The following LMBR1 variants were observed in gnomAD, a reference collection of about 807,000 sequenced individuals.
LMBR1 encodes the protein limb development membrane protein 1.
In LMBR1, 52 loss-of-function variants were observed where a neutral mutation model predicts 73.9. The ratio of observed to expected loss-of-function variants is 0.70; its 90% CI spans 0.56 to 0.89. The LOEUF (loss-of-function observed/expected upper bound fraction) is 0.89. LMBR1 is among the 40% of genes least tolerant of loss of function. LMBR1 has a pLI of 0.00. For synonymous variants in LMBR1, 215 were observed against 209.4 expected (o/e 1.03, Z -0.23); for missense variants, 539 against 579.8 (o/e 0.93, Z 0.72).
chr7:156,827,442 C>A (rs1835892447), intron 3 of LMBR1, among the ~76,000 whole-genome samples: 2 of 152,032 alleles, frequency 1.3e-5, no homozygotes, highest in South Asian at 4.1e-4. Flanking sequence ...CCACCAAATG[C>A]ATATTTATAC....
chr7:156,836,943 T>C, intron 1 of LMBR1, 58 bp from the exon 2 acceptor site: 1 of 1,030,084 alleles, frequency 9.7e-7, no homozygotes. Flanking sequence ...TTTTAAATAC[T>C]AGAAGATATA....
intron 10 of LMBR1, chr7:156,733,920 G>A (rs935257196): frequency 3.6e-6 from 1 of 280,688 alleles, no homozygotes; most frequent in Non-Finnish European, 6.7e-6. Context: ...TAATGCAAGT[G>A]AGAAGGCAAT....
chr7:156,883,117 A>G (rs1438853441), intron 1 of LMBR1, among the ~76,000 whole-genome samples: 26 of 150,040 alleles, frequency 1.7e-4, no homozygotes, highest in Admixed American at 1.7e-3. Flanking sequence ...AAAGAAGGAC[A>G]GGGCCATGCA....
Position 156,836,881 on chromosome 7 carries a change from C to T in LMBR1, c.71G>A (p.Cys24Tyr). ...FHSQVRESTI[C>Y]FLLFAILYVV... ...GTAGAGAATGGCAAAAAGAAGGAAA[C>T]ATATCTGAAACAAAACGAAGTTAAC... is the stretch of plus-strand genomic sequence containing the variant. The change falls in exon 2 of 17, where the codon TGT becomes TAT. Residue 24 changes from cysteine to tyrosine, a missense_variant. Cys to Tyr is a radical substitution (Grantham distance 194). Transcript: ENST00000353442. 1 of 1,569,280 alleles carries T rather than the reference C, an allele frequency of 6.4e-7. No individual in the cohort carries two copies.
At chr7:156,720,603 A>C (rs903176662) in intron 15 of LMBR1, among the ~76,000 whole-genome samples, 8 of 152,030 alleles carry the variant, frequency 5.3e-5, no homozygotes, top group Admixed American at 5.2e-4. Flanking sequence ...GCTCAGATAT[A>C]AGAACATTAG....
At chr7:156,777,277 A>G (rs533368880) in intron 5 of LMBR1, among the ~76,000 whole-genome samples, 6 of 152,186 alleles carry the variant, frequency 3.9e-5, no homozygotes, top group African/African-American at 1.4e-4. Context: ...TTTTTTATCT[A>G]TAATCTCATC....
chr7:156,889,971 G>A (rs141159466), intron 1 of LMBR1, among the ~76,000 whole-genome samples: 105 of 152,144 alleles, frequency 6.9e-4, no homozygotes, highest in African/African-American at 2.4e-3. Context: ...GCCACTGCAC[G>A]ACAGCCTGGT....
intron 5 of LMBR1, among the ~76,000 whole-genome samples, chr7:156,773,684 T>C (rs1002896863): frequency 6.6e-6 from 1 of 152,016 alleles, no homozygotes; most frequent in Non-Finnish European, 1.5e-5. Context: ...CCTTACACCA[T>C]ATACAAAAAT....
chr7:156,892,908 C>A lies in LMBR1; in HGVS notation c.66+20G>T, dbSNP rs1461099870. ...GGGCGGGCACGCGGGACTGTCAGGG[C>A]TGCCTCGGTCCCCACGCACCGTGGA... On this transcript the variant is annotated intron_variant, in intron 1 of 16. Coordinates refer to ENST00000353442, the MANE Select transcript of LMBR1 (RefSeq NM_022458.4). 1.3e-5 allele frequency: 19 copies of A among 1,485,286 alleles called. No individual in the cohort carries two copies. Among genetic ancestry groups the A allele is most frequent in the Non-Finnish European group, 1.7e-5 (19 of 1,122,642 alleles). The allele number at this position is 1,485,286 out of a possible 1,614,324, so 92.0% of individuals were successfully genotyped here. A position where few individuals can be genotyped will look rare whatever the true frequency, so the allele number is the denominator to read the frequency against.
chr7:156,717,931 G>C (rs1483142507), intron 15 of LMBR1, among the ~76,000 whole-genome samples: 2 of 152,134 alleles, frequency 1.3e-5, no homozygotes, highest in Non-Finnish European at 2.9e-5. Flanking sequence ...CTGGAAACTT[G>C]GAAGAGGAGA....
intron 1 of LMBR1, among the ~76,000 whole-genome samples, chr7:156,843,835 CAAAAA>C (rs11288663): frequency 8.3e-6 from 1 of 120,918 alleles, no homozygotes; most frequent in African/African-American, 3.1e-5. Flanking sequence ...GACCCTGTCT[CAAAAA>C]AAAAAAAAAA....
chr7:156,775,119 G>A (rs1825894101), intron 5 of LMBR1, among the ~76,000 whole-genome samples: 1 of 152,170 alleles, frequency 6.6e-6, no homozygotes, highest in Admixed American at 6.5e-5. Flanking sequence ...TGTAATCCCA[G>A]CACTCTGGGA....
chr7:156,837,472 A>G (rs1161800246), intron 1 of LMBR1, among the ~76,000 whole-genome samples: 3 of 151,936 alleles, frequency 2.0e-5, no homozygotes, highest in Non-Finnish European at 4.4e-5. Flanking sequence ...GTTTTTCAAA[A>G]TCATGTGGAA....
chr7:156,675,899 C>T (rs976124512), downstream of LMBR1: 35 of 1,593,122 alleles, frequency 2.2e-5, no homozygotes, highest in Non-Finnish European at 2.7e-5. Flanking sequence ...CCAGCAGACT[C>T]AGCTGCAGCT....
rs538008170 is a variant in LMBR1 at position 156,809,449 on chromosome 7, G to A, written c.320-12957C>T. ...CAAGTCCCTTATGTAAAATGGCATG[G>A]TATTTGCATATAACCTATGCATATC... On this transcript the variant is annotated intron_variant, in intron 4 of 16. Transcript: ENST00000353442. 3.3e-5 allele frequency among the ~76,000 whole-genome samples: 5 copies of A among 152,188 alleles called. No homozygotes were observed. In the East Asian group the frequency reaches 9.6e-4, roughly 29 times the overall value.
intron 1 of LMBR1, among the ~76,000 whole-genome samples, chr7:156,848,370 C>T (rs917548154): frequency 4.6e-5 from 7 of 152,150 alleles, no homozygotes; most frequent in Admixed American, 2.6e-4. Flanking sequence ...AAAAAGTGGG[C>T]ACAGGACAAG....
chr7:156,865,771 C>A (rs974794428), intron 1 of LMBR1, among the ~76,000 whole-genome samples: 1 of 152,096 alleles, frequency 6.6e-6, no homozygotes, highest in Admixed American at 6.5e-5. Flanking sequence ...TAAAAACAAA[C>A]CCTTACATTT....
rs1355030010 is a variant in LMBR1 at position 156,682,968 on chromosome 7, T to G, written c.*1110A>C. On this transcript the variant is annotated 3_prime_UTR_variant, in exon 17 of 17. Transcript: ENST00000353442. ...ATTTCATAGTTTTTATTCAGTGGAC[T>G]TAAAGCCAAGAAACCATCCCAATAA... 6.6e-6 allele frequency: 1 copy of G among 152,226 alleles called. No homozygotes were observed. The highest frequency in any genetic ancestry group is 2.4e-5 in the African/African-American group (1 of 41,466). The allele number at this position is 152,226 out of a possible 1,614,324, so 9.4% of individuals were successfully genotyped here. A position where few individuals can be genotyped will look rare whatever the true frequency, so the allele number is the denominator to read the frequency against.
At chr7:156,869,623 A>G (rs1468111741) in intron 1 of LMBR1, among the ~76,000 whole-genome samples, 1 of 152,218 alleles carries the variant, frequency 6.6e-6, no homozygotes, top group East Asian at 1.9e-4. Context: ...AAGACTAACA[A>G]AAAACAACAA....
Sources: gnomAD v4.1 joint callset for allele counts (sites outside exome capture counted in the v4.1 genomes callset) on GRCh38, gnomAD v4.1.1 for gene constraint, MANE v1.5 for transcripts, NCBI Gene and HGNC (gene_info 2026-07-23, HGNC 2026-07-21) for gene names.